Variants in DDR2 observed in about 807,000 individuals in gnomAD.
The protein encoded by DDR2 is discoidin domain-containing receptor 2.
In DDR2, 27 loss-of-function variants were observed where a neutral mutation model predicts 94.9. That is an observed-to-expected ratio of 0.28 (90% CI 0.21 to 0.39). DDR2 has a LOEUF of 0.39. Among genes scored for constraint, DDR2 ranks in the 10% least tolerant of loss-of-function variants. DDR2 has a pLI of 1.00. For synonymous variants in DDR2, 382 were observed against 377.2 expected, an observed-to-expected ratio of 1.01 and a Z score of -0.15; for missense variants, 783 against 1,076.0, an observed-to-expected ratio of 0.73 and a Z score of 3.81.
chr1:162,764,352 C>T (rs1663888258), intron 9 of DDR2, among the ~76,000 whole-genome samples: 1 of 139,388 alleles, frequency 7.2e-6, no homozygotes, highest in Non-Finnish European at 1.5e-5. Flanking sequence ...TTGTTCATAC[C>T]ATTAAATTTA....
At chr1:162,663,330 C>T (rs1411166454) in intron 2 of DDR2, among the ~76,000 whole-genome samples, 3 of 152,142 alleles carry the variant, frequency 2.0e-5, no homozygotes, top group Non-Finnish European at 2.9e-5. Context: ...AGACATAGAG[C>T]TCATTGTACA....
Position 162,632,565 on chromosome 1 carries a change from G to A in DDR2, c.-258G>A, listed in dbSNP as rs944192097. 1.3e-5 allele frequency: 2 copies of A among 152,222 alleles called. No homozygotes were observed. Among genetic ancestry groups the A allele is most frequent in the South Asian group, 4.1e-4 (2 of 4,824 alleles). The allele number at this position is 152,222 out of a possible 1,614,324, so 9.4% of individuals were successfully genotyped here. On this transcript the variant is annotated 5_prime_UTR_variant, in exon 1 of 18. Transcript: ENST00000367921. ...TTTCACAACAAATTCTTCTTTTTGG[G>A]TTGGGGAAACGCAGTGGATTATAGC...
chr1:162,767,703 T>A (rs182429307), intron 11 of DDR2, among the ~76,000 whole-genome samples: 1 of 152,298 alleles, frequency 6.6e-6, no homozygotes, highest in Admixed American at 6.5e-5. Flanking sequence ...CAAGTGCTTC[T>A]GATGCACATT....
At chr1:162,778,526 G>C (rs1051416092) in intron 16 of DDR2, 54 bp from the exon 17 acceptor site, 1 of 1,607,148 alleles carries the variant, frequency 6.2e-7, no homozygotes, top group Non-Finnish European at 8.5e-7. Context: ...ATTTAACAGG[G>C]TGTTGTTGTG....
At chr1:162,762,368 A>G (rs1396145224) in intron 9 of DDR2, among the ~76,000 whole-genome samples, 1 of 152,198 alleles carries the variant, frequency 6.6e-6, no homozygotes, top group Non-Finnish European at 1.5e-5. Flanking sequence ...AGCATTCTAT[A>G]TATCTCAGTA....
At chr1:162,708,432 C>T (rs891263720) in intron 2 of DDR2, among the ~76,000 whole-genome samples, 6 of 152,176 alleles carry the variant, frequency 3.9e-5, no homozygotes, top group Non-Finnish European at 7.3e-5. Context: ...CAGCCATAAC[C>T]GCAAGAGTAG....
At position 162,763,662 on chromosome 1, in the gene DDR2, A is replaced by G. The variant is rs144147570; in HGVS notation, c.1099+2208A>G. The stretch of plus-strand genomic sequence containing the variant: ...ATTTCAAGAAATCTTGATTCCTTTT[A>G]GTAGGAAATGGTATTTAGAAAACAC... On this transcript the variant is annotated intron_variant, in intron 9 of 17. Transcript: ENST00000367921. Among the ~76,000 whole-genome samples the G allele has an allele frequency of 2.0e-5, 3 of 152,226 alleles. No homozygotes were observed. In the East Asian group the frequency reaches 5.8e-4, roughly 29 times the overall value.
chr1:162,704,855 G>A (rs368633534), intron 2 of DDR2, among the ~76,000 whole-genome samples: 3 of 152,126 alleles, frequency 2.0e-5, no homozygotes, highest in East Asian at 1.9e-4. Flanking sequence ...TTTACATAAC[G>A]GGGGTTTACT....
chr1:162,678,462 C>G (rs1195730609), intron 2 of DDR2, among the ~76,000 whole-genome samples: 1 of 152,188 alleles, frequency 6.6e-6, no homozygotes, highest in East Asian at 1.9e-4. Flanking sequence ...CAAATACATC[C>G]TCTGGGATTT....
chr1:162,631,613 A>G (rs1656561518), upstream of DDR2, among the ~76,000 whole-genome samples: 1 of 152,078 alleles, frequency 6.6e-6, no homozygotes, highest in Non-Finnish European at 1.5e-5. Flanking sequence ...CTGAAGGGTT[A>G]AGGCTGGAGC....
At chr1:162,732,368 C>G (rs546551903) in intron 3 of DDR2, among the ~76,000 whole-genome samples, 1 of 152,274 alleles carries the variant, frequency 6.6e-6, no homozygotes, top group South Asian at 2.1e-4. Context: ...GTGACAGTTT[C>G]TTTAAGTGGA....
At chr1:162,650,047 G>T (rs1228062722) in intron 1 of DDR2, among the ~76,000 whole-genome samples, 3 of 152,118 alleles carry the variant, frequency 2.0e-5, no homozygotes, top group Non-Finnish European at 4.4e-5. Flanking sequence ...CCATGCAGAT[G>T]AGCCCCAACA....
rs371828120 is a variant in DDR2 at position 162,765,950 on chromosome 1, A to G, written c.1100-51A>G. ...GTCACAATATGCCTTCAGAGAAAAC[A>G]CTAGCTGTCTGTCTTCTCCCTGGCT... is the stretch of plus-strand genomic sequence containing the variant. On this transcript the variant is annotated intron_variant, in intron 9 of 17. Coordinates refer to ENST00000367921, the MANE Select transcript of DDR2 (RefSeq NM_006182.4). The G allele has an allele frequency of 3.2e-6, 5 of 1,581,668 alleles. No individual in the cohort carries two copies. The African/African-American group carries it at 6.7e-5, about 21-fold the overall frequency.
Position 162,642,113 on chromosome 1 carries a change from C to T in DDR2, c.-192+9482C>T, listed in dbSNP as rs531478206. On this transcript the variant is annotated intron_variant, in intron 1 of 17. Coordinates refer to ENST00000367921, the MANE Select transcript of DDR2 (RefSeq NM_006182.4). Reference sequence around the variant, plus strand: ...GCTGGGATTACAGGCACCCACACCACGCCCAGCTAATTTTTGTATTTTTAG... The same window carrying T: ...GCTGGGATTACAGGCACCCACACCATGCCCAGCTAATTTTTGTATTTTTAG... Among the ~76,000 whole-genome samples the T allele has an allele frequency of 1.1e-3, 167 of 150,948 alleles. 3 individuals are homozygous for T. The highest frequency in any genetic ancestry group is 3.8e-3 in the African/African-American group (155 of 40,970).
intron 9 of DDR2, among the ~76,000 whole-genome samples, chr1:162,764,566 T>G (rs1469559331): frequency 6.6e-6 from 1 of 151,998 alleles, no homozygotes; most frequent in African/African-American, 2.4e-5. Flanking sequence ...GAGACTAATT[T>G]AAAGATAAAC....
rs111550271 is a variant in DDR2 at position 162,651,553 on chromosome 1, A to G, written c.-191-3658A>G. On this transcript the variant is annotated intron_variant, in intron 1 of 17. Transcript: ENST00000367921. Reference sequence around the variant, plus strand: ...TACTACCTTACCAACCCAGACATATATATCTACTATATCTTGTAATATCCA... The same window carrying G: ...TACTACCTTACCAACCCAGACATATGTATCTACTATATCTTGTAATATCCA... Among the ~76,000 whole-genome samples the G allele has an allele frequency of 3.1e-3, 476 of 152,236 alleles. 2 individuals are homozygous for G. The highest frequency in any genetic ancestry group is 0.011 in the African/African-American group (451 of 41,530).
chr1:162,687,692 T>C (rs994944465), intron 2 of DDR2, among the ~76,000 whole-genome samples: 121 of 151,940 alleles, frequency 8.0e-4, no homozygotes, highest in Non-Finnish European at 1.2e-3. Flanking sequence ...ATGGAGGAGG[T>C]GTCTGATGTA....
intron 3 of DDR2, among the ~76,000 whole-genome samples, chr1:162,749,343 A>T (rs1336049674): frequency 6.6e-6 from 1 of 152,250 alleles, no homozygotes; most frequent in Non-Finnish European, 1.5e-5. Flanking sequence ...GATCCCACAG[A>T]ATTACAAACT....
intron 3 of DDR2, among the ~76,000 whole-genome samples, chr1:162,751,540 C>T (rs1474984360): frequency 6.6e-6 from 1 of 152,162 alleles, no homozygotes; most frequent in Admixed American, 6.5e-5. Flanking sequence ...TGCTTTTACG[C>T]TGTTGGTGGG....
Sources: gnomAD v4.1 joint callset for allele counts (sites outside exome capture counted in the v4.1 genomes callset) on GRCh38, gnomAD v4.1.1 for gene constraint, MANE v1.5 for transcripts, NCBI Gene and HGNC (gene_info 2026-07-23, HGNC 2026-07-21) for gene names.